SCNN1A: variants seen among roughly 807,000 people sequenced by gnomAD.
The protein encoded by SCNN1A is epithelial sodium channel subunit alpha.
In SCNN1A, 65 loss-of-function variants were observed where a neutral mutation model predicts 68.6. The ratio of observed to expected loss-of-function variants is 0.95; its 90% CI spans 0.78 to 1.16. The LOEUF is 1.16. SCNN1A is among the 50% of genes most tolerant of loss of function. The pLI is 0.00. For missense variants in SCNN1A, 880 were observed against 865.9 expected (o/e 1.02, Z -0.20); for synonymous variants, 357 against 353.3 (o/e 1.01, Z -0.12).
intron 8 of SCNN1A, chr12:6,353,984 A>T (rs1395796783): frequency 5.5e-6 from 1 of 181,890 alleles, no homozygotes; most frequent in Non-Finnish European, 1.2e-5. Flanking sequence ...GAGATAGAAG[A>T]GAGAGGGAGG....
At position 6,363,720 on chromosome 12, in the gene SCNN1A, C is replaced by T; in HGVS notation, c.417-10G>A. On this transcript the variant is annotated splice_polypyrimidine_tract_variant and intron_variant, in intron 2 of 12. Transcript: ENST00000228916. ...TTTAATTTCCGGGTACCTGAAGGGG[C>T]GAGGGGAAGAGGGTCAGGCCAGGGG... The T allele has an allele frequency of 6.3e-7, 1 of 1,586,222 alleles. No homozygotes were observed. Among genetic ancestry groups the T allele is most frequent in the South Asian group, 1.1e-5 (1 of 87,358 alleles).
Position 6,362,042 on chromosome 12 carries a change from C to G in SCNN1A, c.875+9G>C. 6.2e-7 allele frequency: 1 copy of G among 1,613,902 alleles called. No homozygotes were observed. The highest frequency in any genetic ancestry group is 1.7e-5 in the Admixed American group (1 of 60,030). Reference sequence around the variant, plus strand: ...GCGGAGAGCAAGGAGCCAGGCAGGACTGACTCACGCCTGGTTGCAGGAGAC... The same window carrying G: ...GCGGAGAGCAAGGAGCCAGGCAGGAGTGACTCACGCCTGGTTGCAGGAGAC... On this transcript the variant is annotated intron_variant, in intron 4 of 12. Coordinates refer to ENST00000228916, the MANE Select transcript of SCNN1A (RefSeq NM_001038.6).
upstream of SCNN1A, chr12:6,375,746 G>T: frequency 7.1e-7 from 1 of 1,414,448 alleles, no homozygotes; most frequent in South Asian, 1.5e-5. Context: ...CAAGGAGGCT[G>T]GGGGACAGGA....
chr12:6,368,222 C>G (rs2136897039), intron 2 of SCNN1A, among the ~76,000 whole-genome samples: 1 of 152,326 alleles, frequency 6.6e-6, no homozygotes, highest in Admixed American at 6.5e-5. Flanking sequence ...CGCCCCCAAC[C>G]AGAATAGATT....
chr12:6,356,817 A>C (rs1948505968), intron 4 of SCNN1A, among the ~76,000 whole-genome samples: 1 of 152,152 alleles, frequency 6.6e-6, no homozygotes, highest in Admixed American at 6.5e-5. Flanking sequence ...CAAAGACGGA[A>C]AGGGGACTTC....
intron 7 of SCNN1A, 30 bp from the exon 8 acceptor site, chr12:6,354,585 G>A (rs1175336029): frequency 1.8e-5 from 28 of 1,547,902 alleles, no homozygotes; most frequent in Non-Finnish European, 2.4e-5. Flanking sequence ...AGAGGAGAGG[G>A]GGTTCAGGCC....
intron 6 of SCNN1A, among the ~76,000 whole-genome samples, 196 bp downstream of exon 6, chr12:6,355,076 C>T (rs1243221607): frequency 6.6e-6 from 1 of 152,118 alleles, no homozygotes; most frequent in Non-Finnish European, 1.5e-5. Context: ...GCCTTCTCAG[C>T]ACTTGTCCCC....
At position 6,347,903 on chromosome 12, in the gene SCNN1A, A is replaced by C. The variant is rs1483429855; in HGVS notation, c.1980T>G (p.Ser660Arg). 2.5e-6 allele frequency: 4 copies of C among 1,598,234 alleles called. No individual in the cohort carries two copies. In the African/African-American group the frequency reaches 5.4e-5, roughly 21 times the overall value. ...RPSPGGSAGA[S>R]SSTCPLGGP is the part of the protein sequence containing the mutation. ...GCCCCCCCAGAGGACAGGTGGAGGA[A>C]CTGGCCCCTGCAGAGCCCCCTGGAG... Residue 660 changes from serine to arginine, a missense_variant, in exon 13 of 13, where the codon AGT becomes AGG. Ser to Arg is a moderately radical substitution (Grantham distance 110, BLOSUM62 -1). This residue lies in a region of SCNN1A where 758 missense variants were observed against 721.8 expected (regional missense o/e 1.05). Coordinates refer to ENST00000228916, the MANE Select transcript of SCNN1A (RefSeq NM_001038.6).
intron 2 of SCNN1A, among the ~76,000 whole-genome samples, chr12:6,369,294 TCACCTCCCTCCTGCCACCCTACG>T (rs71067109): frequency 0.063 from 6,874 of 108,312 alleles, 216 homozygotes; most frequent in Non-Finnish European, 0.083. Context: ...GCCACCCTAC[TCACCTCCCTCCTGCCACCCTACG>T]CACCTCCCTC....
At chr12:6,363,894 CGGGAA>C (rs1565483041) in intron 2 of SCNN1A, 184 bp from the exon 3 acceptor site, 3 of 324,392 alleles carry the variant, frequency 9.2e-6, no homozygotes, top group Non-Finnish European at 1.7e-5. Context: ...GTGTGTCCGC[CGGGAA>C]GGCGGAGGCC....
chr12:6,363,762 T>C, intron 2 of SCNN1A, 52 bp from the exon 3 acceptor site: 1 of 1,509,276 alleles, frequency 6.6e-7, no homozygotes, highest in Non-Finnish European at 8.9e-7. Context: ...AGCGAGTGTC[T>C]GGCCCCTCCG....
chr12:6,374,539 A>C lies in SCNN1A; in HGVS notation c.245T>G (p.Met82Arg), dbSNP rs775058248. ...IRLVCSQHNR[M>R]KTAFWAVLWL... is the part of the protein sequence containing the mutation. ...CAGCACTGCCCAGAAGGCCGTCTTC[A>C]TGCGGTTGTGCTGGGAGCACACCAG... Residue 82 changes from methionine (M) to arginine (R), a missense_variant, in exon 2 of 13, where the codon ATG becomes AGG. Met to Arg is a moderately conservative substitution (Grantham distance 91). Coordinates refer to ENST00000228916, the MANE Select transcript of SCNN1A (RefSeq NM_001038.6). This position sits in a 1 kb window ranked among gnomAD's most constrained non-coding sequence, Gnocchi z 6.2. 1 of 1,614,224 alleles carries C rather than the reference A, an allele frequency of 6.2e-7. No homozygotes were observed. The highest frequency in any genetic ancestry group is 1.1e-5 in the South Asian group (1 of 91,090).
Position 6,354,843 on chromosome 12 carries a change from G to A in SCNN1A, c.1149C>T (p.Thr383=), listed in dbSNP as rs769075036. ...VETSISMRKE[T]LDRLGGDYGD... ...CATAATCGCCCCCAAGTCTGTCCAG[G>A]GTTTCCTATGAACCCACATACACCA... The change falls in exon 7 of 13, where the codon ACC becomes ACT. Residue 383 remains threonine, a synonymous_variant. Transcript: ENST00000228916. 1 of 1,613,326 alleles carries A rather than the reference G, an allele frequency of 6.2e-7. No homozygotes were observed. The highest frequency in any genetic ancestry group is 8.5e-7 in the Non-Finnish European group (1 of 1,179,602).
At chr12:6,375,937 G>C (rs764086825), upstream of SCNN1A, 2 of 1,093,308 alleles carry the variant, frequency 1.8e-6, no homozygotes, top group Non-Finnish European at 2.2e-6. Flanking sequence ...GATAGGGATG[G>C]AGGAGGGGCA....
chr12:6,355,523 A>G (rs1431611665), intron 5 of SCNN1A, 88 bp from the exon 6 acceptor site: 39 of 1,486,496 alleles, frequency 2.6e-5, no homozygotes, highest in Non-Finnish European at 3.3e-5. Flanking sequence ...TTCCTTGCCC[A>G]GTCTCTAAAG....
At chr12:6,370,989 C>G (rs941406704) in intron 2 of SCNN1A, among the ~76,000 whole-genome samples, 4 of 152,192 alleles carry the variant, frequency 2.6e-5, no homozygotes, top group African/African-American at 7.2e-5. Context: ...CTTTGTTGAC[C>G]AGAGAGAAAG....
chr12:6,368,853 T>C (rs56128417), intron 2 of SCNN1A, among the ~76,000 whole-genome samples: 7,136 of 152,270 alleles, frequency 0.047, 548 homozygotes, highest in African/African-American at 0.16. Flanking sequence ...CCAGCCTTTC[T>C]GACTCTCAGT....
At chr12:6,348,853 G>T in intron 11 of SCNN1A, 51 bp from the exon 12 acceptor site, 1 of 1,600,640 alleles carries the variant, frequency 6.2e-7, no homozygotes, top group Non-Finnish European at 8.6e-7. Flanking sequence ...TGAATTTCCT[G>T]GACCTTCCTC....
At chr12:6,348,517 G>T (rs1448826216) in intron 12 of SCNN1A, among the ~76,000 whole-genome samples, 1 of 144,620 alleles carries the variant, frequency 6.9e-6, no homozygotes, top group Admixed American at 7.1e-5. Flanking sequence ...TAGCATGCCT[G>T]TCCCTCCCAC....
Sources: gnomAD v4.1 joint callset for allele counts (sites outside exome capture counted in the v4.1 genomes callset) on GRCh38, gnomAD v4.1.1 for gene constraint, gnomAD v4.1.1 regional missense constraint, Gnocchi (gnomAD v3.1) non-coding constraint, MANE v1.5 for transcripts, NCBI Gene and HGNC (gene_info 2026-07-23, HGNC 2026-07-21) for gene names.